The following PPP6R2 variants were observed in gnomAD, a reference collection of about 807,000 sequenced individuals.
PPP6R2 encodes the protein protein phosphatase 6 regulatory subunit 2.
A neutral mutation model predicts 100.2 loss-of-function variants in PPP6R2; 62 were observed. The ratio of observed to expected loss-of-function variants is 0.62; its 90% CI spans 0.50 to 0.76. The LOEUF is 0.76. PPP6R2 is among the 30% of genes least tolerant of loss of function. The pLI is 0.00. For missense variants in PPP6R2, 1,142 were observed against 1,276.3 expected (o/e 0.89, Z 1.60); for synonymous variants, 525 against 514.7 (o/e 1.02, Z -0.27).
intron 10 of PPP6R2, among the ~76,000 whole-genome samples, chr22:50,427,200 A>C (rs1353141496): frequency 1.3e-5 from 2 of 152,034 alleles, no homozygotes; most frequent in African/African-American, 2.4e-5. Context: ...AAAAAAAAAA[A>C]AAAACAGCTG....
chr22:50,420,376 G>A (rs765612152), intron 8 of PPP6R2, among the ~76,000 whole-genome samples: 20 of 152,326 alleles, frequency 1.3e-4, no homozygotes, highest in Non-Finnish European at 2.1e-4. Context: ...ACCCCACATC[G>A]CTGTCCTGAG....
chr22:50,380,625 C>G (rs910419438), intron 2 of PPP6R2, among the ~76,000 whole-genome samples: 1 of 151,410 alleles, frequency 6.6e-6, no homozygotes, highest in Non-Finnish European at 1.5e-5. Context: ...TCCCAAAGTG[C>G]TGGGATTACA....
the PPP6R2 span, among the ~76,000 whole-genome samples, chr22:50,338,034 GTT>G: frequency 1.4e-5 from 2 of 144,830 alleles, no homozygotes; most frequent in Admixed American, 6.9e-5. Flanking sequence ...TGTGTGGTGT[GTT>G]TGTGTATGTG....
At chr22:50,382,814 A>G (rs1200346325) in intron 2 of PPP6R2, among the ~76,000 whole-genome samples, 1 of 151,630 alleles carries the variant, frequency 6.6e-6, no homozygotes, top group Non-Finnish European at 1.5e-5. Context: ...GGGTGTGGGA[A>G]AAGGGTGAAA....
intron 2 of PPP6R2, among the ~76,000 whole-genome samples, chr22:50,375,696 T>C (rs1446640247): frequency 1.3e-5 from 2 of 152,146 alleles, no homozygotes; most frequent in Non-Finnish European, 2.9e-5. Flanking sequence ...TTAGCCCAGT[T>C]ACATTGCCTG....
At chr22:50,353,310 T>C (rs2045726609) in intron 1 of PPP6R2, among the ~76,000 whole-genome samples, 1 of 152,138 alleles carries the variant, frequency 6.6e-6, no homozygotes. Context: ...TCCTACAGGA[T>C]TAATTGACCT....
upstream of PPP6R2, among the ~76,000 whole-genome samples, chr22:50,341,500 A>G (rs2042383576): frequency 6.6e-6 from 1 of 151,704 alleles, no homozygotes; most frequent in African/African-American, 2.4e-5. Context: ...CACCGTGCCC[A>G]GGCAATCGGA....
chr22:50,355,476 G>A (rs546498314), intron 1 of PPP6R2, among the ~76,000 whole-genome samples: 9 of 150,296 alleles, frequency 6.0e-5, no homozygotes, highest in Non-Finnish European at 1.2e-4. Context: ...TCGGCCGCCC[G>A]CCTTGGCCTT....
rs568045010 is a variant in PPP6R2 at position 50,396,056 on chromosome 22, G to A, written c.227+1921G>A. 2.0e-5 allele frequency among the ~76,000 whole-genome samples: 3 copies of A among 151,522 alleles called. No homozygotes were observed. In the East Asian group the frequency reaches 5.9e-4, roughly 30 times the overall value. On this transcript the variant is annotated intron_variant, in intron 3 of 23. Transcript: ENST00000612753. The stretch of plus-strand genomic sequence containing the variant: ...ATAAAAATACAAAAATTAGCAGGGC[G>A]TAGTGGCGCACGCCTGTAATCTCAG...
At chr22:50,342,583 G>A (rs2042526985), upstream of PPP6R2, among the ~76,000 whole-genome samples, 1 of 152,114 alleles carries the variant, frequency 6.6e-6, no homozygotes, top group Non-Finnish European at 1.5e-5. Flanking sequence ...GTGAATCCTG[G>A]GCAATACACT....
chr22:50,333,962 C>T, the PPP6R2 span, among the ~76,000 whole-genome samples: 1 of 152,158 alleles, frequency 6.6e-6, no homozygotes, highest in African/African-American at 2.4e-5. Context: ...ATTTGGTAGC[C>T]AAGGTGGAGA....
chr22:50,437,054 C>G lies in PPP6R2; in HGVS notation c.1669C>G (p.Leu557Val). ...EDIEGAFPNE[L>V]SLQQAFSDYQ... ...CATTGAGGGTGCTTTCCCTAACGAG[C>G]TGTCCCTTCAGCAGGTGAGGGCGTG... The change falls in exon 15 of 24, where the codon CTG becomes GTG. Residue 557 changes from leucine to valine, a missense_variant. Transcript: ENST00000612753. The G allele has an allele frequency of 6.4e-7, 1 of 1,561,190 alleles. No homozygotes were observed. The highest frequency in any genetic ancestry group is 8.7e-7 in the Non-Finnish European group (1 of 1,153,176).
chr22:50,377,619 G>A (rs2051893240), intron 2 of PPP6R2, among the ~76,000 whole-genome samples: 1 of 152,158 alleles, frequency 6.6e-6, no homozygotes, highest in Admixed American at 6.6e-5. Context: ...TCTAATGGAT[G>A]TTTACTTAAT....
intron 2 of PPP6R2, among the ~76,000 whole-genome samples, chr22:50,377,747 G>T (rs1369028366): frequency 6.6e-6 from 1 of 152,122 alleles, no homozygotes; most frequent in African/African-American, 2.4e-5. Context: ...GGTGGCTGAC[G>T]CCTGTAATCC....
At chr22:50,439,569 G>T in intron 19 of PPP6R2, 132 bp from the exon 20 acceptor site, 1 of 1,033,820 alleles carries the variant, frequency 9.7e-7, no homozygotes. Flanking sequence ...GCACTGCCTG[G>T]GCCTCCCTCC....
upstream of PPP6R2, among the ~76,000 whole-genome samples, chr22:50,339,916 T>G (rs1284764798): frequency 1.4e-4 from 8 of 57,490 alleles, no homozygotes; most frequent in Non-Finnish European, 1.9e-4. Flanking sequence ...TGGTATGTGG[T>G]GTGTGTGTGG....
At chr22:50,365,571 C>T (rs979384973) in intron 1 of PPP6R2, among the ~76,000 whole-genome samples, 4 of 150,296 alleles carry the variant, frequency 2.7e-5, no homozygotes, top group East Asian at 4.1e-4. Flanking sequence ...CCCAGCTACT[C>T]GGGAGGCTGA....
chr22:50,444,461 A>G lies in PPP6R2; in HGVS notation c.*214A>G. 1 of 495,882 alleles carries G rather than the reference A, an allele frequency of 2.0e-6. No individual in the cohort carries two copies. Among genetic ancestry groups the G allele is most frequent in the Non-Finnish European group, 3.4e-6 (1 of 296,388 alleles). 30.7% of individuals were successfully genotyped at this position (495,882 alleles called of 1,614,324 possible). A position where few individuals can be genotyped will look rare whatever the true frequency, so the allele number is the denominator to read the frequency against. Reference sequence around the variant, plus strand: ...CAGGTCACTCGTGCCCTGCTGGAGGACAGAGGGGCACCTCAGCCGCCCCCA... The same window carrying G: ...CAGGTCACTCGTGCCCTGCTGGAGGGCAGAGGGGCACCTCAGCCGCCCCCA... On this transcript the variant is annotated 3_prime_UTR_variant, in exon 24 of 24. Coordinates refer to ENST00000612753, the MANE Select transcript of PPP6R2 (RefSeq NM_001242898.2).
chr22:50,419,255 T>G, intron 7 of PPP6R2, 94 bp from the exon 8 acceptor site: 1 of 1,134,284 alleles, frequency 8.8e-7, no homozygotes, highest in Non-Finnish European at 1.3e-6. Context: ...TTGAGGGTTT[T>G]GCTGGGGTCC....
Sources: allele counts gnomAD v4.1 joint callset (sites outside exome capture counted in the v4.1 genomes callset), GRCh38; gene constraint gnomAD v4.1.1; transcripts MANE v1.5; gene names NCBI Gene and HGNC (gene_info 2026-07-23, HGNC 2026-07-21).